Variants in RPRD1B observed in about 807,000 individuals in gnomAD.
RPRD1B encodes the protein regulation of nuclear pre-mRNA domain-containing protein 1B.
Under a neutral mutation model 41.5 loss-of-function variants are expected in RPRD1B, and 11 were observed. The observed-to-expected ratio is 0.27, with a 90% CI of 0.17 to 0.44. The LOEUF (loss-of-function observed/expected upper bound fraction) is 0.44, where lower values mean the gene tolerates loss of function less well. Among genes scored for constraint, RPRD1B ranks in the 20% least tolerant of loss-of-function variants. The pLI, the probability that RPRD1B is intolerant of heterozygous loss-of-function variation, is 1.00. For missense variants in RPRD1B, 248 were observed against 389.9 expected (o/e 0.64, Z 3.06); for synonymous variants, 158 against 155.6 (o/e 1.02, Z -0.12).
chr20:38,047,498 A>G (rs115201939), intron 2 of RPRD1B, among the ~76,000 whole-genome samples: 4 of 150,300 alleles, frequency 2.7e-5, no homozygotes, highest in South Asian at 4.3e-4. Flanking sequence ...GTCATTCAGT[A>G]TAAGATCGTT....
chr20:38,084,480 G>A (rs2074542914), intron 6 of RPRD1B, among the ~76,000 whole-genome samples: 1 of 152,096 alleles, frequency 6.6e-6, no homozygotes, highest in African/African-American at 2.4e-5. Flanking sequence ...TAGAGGAAAC[G>A]CTTATAGTTT....
chr20:38,047,393 A>G (rs771518168), intron 2 of RPRD1B, among the ~76,000 whole-genome samples: 1 of 152,180 alleles, frequency 6.6e-6, no homozygotes, highest in Non-Finnish European at 1.5e-5. Context: ...TAGAGTTCCC[A>G]TCTCAGTTGA....
chr20:38,058,687 T>C (rs965626326), intron 4 of RPRD1B, among the ~76,000 whole-genome samples: 1 of 152,166 alleles, frequency 6.6e-6, no homozygotes, highest in African/African-American at 2.4e-5. Context: ...TTGAAGTAGG[T>C]TGATCAGTCA....
At chr20:38,041,690 G>T (rs2074067745) in intron 2 of RPRD1B, among the ~76,000 whole-genome samples, 1 of 152,160 alleles carries the variant, frequency 6.6e-6, no homozygotes, top group Non-Finnish European at 1.5e-5. Context: ...ATTGATGGTA[G>T]CTCTGCCTCA....
At position 38,090,006 on chromosome 20, in the gene RPRD1B, T is replaced by C; in HGVS notation, c.*131T>C. On this transcript the variant is annotated 3_prime_UTR_variant, in exon 7 of 7. Transcript: ENST00000373433. ...AGCCCCCCAGCCTCAAGAAAGAACC[T>C]CAGACTCTGATTCTCCTCTTCAGCC... 6.9e-7 allele frequency: 1 copy of C among 1,457,246 alleles called. No individual in the cohort carries two copies. The highest frequency in any genetic ancestry group is 9.0e-7 in the Non-Finnish European group (1 of 1,109,394). The allele number at this position is 1,457,246 out of a possible 1,614,324, so 90.3% of individuals were successfully genotyped here.
chr20:38,054,573 T>G (rs1209386305), intron 3 of RPRD1B, among the ~76,000 whole-genome samples: 1 of 152,160 alleles, frequency 6.6e-6, no homozygotes, highest in Non-Finnish European at 1.5e-5. Flanking sequence ...GACTTAGATA[T>G]TTTCATGAAA....
chr20:38,058,757 C>T (rs947754604), intron 4 of RPRD1B, among the ~76,000 whole-genome samples: 2 of 152,092 alleles, frequency 1.3e-5, no homozygotes, highest in African/African-American at 4.8e-5. Flanking sequence ...CCCAGGCTGG[C>T]GTGCAGTAGC....
chr20:38,069,112 C>T (rs962214481), intron 6 of RPRD1B, among the ~76,000 whole-genome samples: 2 of 152,118 alleles, frequency 1.3e-5, no homozygotes, highest in African/African-American at 4.8e-5. Context: ...TTTGTGCTTT[C>T]CTTTTTAACT....
chr20:38,069,940 A>C lies in RPRD1B; in HGVS notation c.831+3684A>C, dbSNP rs1186937672. Among the ~76,000 whole-genome samples, 11 of 152,320 alleles carry C rather than the reference A, an allele frequency of 7.2e-5. No homozygotes were observed. The East Asian group carries it at 2.1e-3, about 29-fold the overall frequency. ...TGAGTGCTCTCACAGTGCCAGGAAC[A>C]TATTTGTTCCTCAGTAAATACTTGT... On this transcript the variant is annotated intron_variant, in intron 6 of 6. Coordinates refer to ENST00000373433, the MANE Select transcript of RPRD1B (RefSeq NM_021215.4).
chr20:38,063,490 C>A (rs2122732352), intron 5 of RPRD1B, among the ~76,000 whole-genome samples: 1 of 152,158 alleles, frequency 6.6e-6, no homozygotes, highest in Admixed American at 6.5e-5. Context: ...GGCATAAAGC[C>A]CGATTGGGGT....
At chr20:38,075,090 T>C (rs898099700) in intron 6 of RPRD1B, among the ~76,000 whole-genome samples, 1 of 152,232 alleles carries the variant, frequency 6.6e-6, no homozygotes, top group African/African-American at 2.4e-5. Context: ...TAACTTTCAG[T>C]GTTTGGATTA....
Position 38,092,351 on chromosome 20 carries a change from GTGT to G in RPRD1B, c.*2482_*2484del, listed in dbSNP as rs1168830649. 1.0e-6 allele frequency: 1 copy of G among 979,174 alleles called. No homozygotes were observed. The highest frequency in any genetic ancestry group is 1.1e-4 in the East Asian group (1 of 8,796). The allele number at this position is 979,174 out of a possible 1,614,324, so 60.7% of individuals were successfully genotyped here. On this transcript the variant is annotated 3_prime_UTR_variant, in exon 7 of 7. Coordinates refer to ENST00000373433, the MANE Select transcript of RPRD1B (RefSeq NM_021215.4). ...AGATATATATTTTTGAATAAAGATG[GTGT>G]TGTTGAACAACATTGTGTGATTTTT...
At position 38,041,175 on chromosome 20, in the gene RPRD1B, A is replaced by G. The variant is rs527944793; in HGVS notation, c.281+611A>G. On this transcript the variant is annotated intron_variant, in intron 2 of 6. Transcript: ENST00000373433. ...GATTAAAAGTTTTATAAATTACTTT[A>G]CTTCATGTAAAAACAAAAGCTTTCT... Among the ~76,000 whole-genome samples the G allele has an allele frequency of 5.9e-5, 9 of 152,370 alleles. No homozygotes were observed. The East Asian group carries it at 1.2e-3, about 20-fold the overall frequency.
intron 6 of RPRD1B, among the ~76,000 whole-genome samples, chr20:38,075,393 G>T (rs2074449458): frequency 6.6e-6 from 1 of 152,170 alleles, no homozygotes; most frequent in Admixed American, 6.5e-5. Flanking sequence ...AAATGATCTT[G>T]TTTACATTTG....
intron 1 of RPRD1B, among the ~76,000 whole-genome samples, chr20:38,034,999 T>C (rs772252635): frequency 3.9e-5 from 6 of 152,202 alleles, no homozygotes; most frequent in South Asian, 2.1e-4. Context: ...AGTACTGATA[T>C]CTTTACATAC....
intron 4 of RPRD1B, among the ~76,000 whole-genome samples, chr20:38,059,057 A>G (rs994291270): frequency 6.6e-6 from 1 of 152,114 alleles, no homozygotes; most frequent in Non-Finnish European, 1.5e-5. Flanking sequence ...CCTTTATTCT[A>G]TACTGGAAAT....
chr20:38,092,144 G>T lies in RPRD1B; in HGVS notation c.*2269G>T. ...GTGTTTTTTCTTTCTTAGGGCATCT[G>T]TAGGCCTCAAAGGACCTTTCCTTTA... On this transcript the variant is annotated 3_prime_UTR_variant, in exon 7 of 7. Coordinates refer to ENST00000373433, the MANE Select transcript of RPRD1B (RefSeq NM_021215.4). The T allele has an allele frequency of 1.0e-6, 1 of 985,692 alleles. No homozygotes were observed. Among genetic ancestry groups the T allele is most frequent in the African/African-American group, 1.7e-5 (1 of 57,310 alleles). 61.1% of individuals were successfully genotyped at this position (985,692 alleles called of 1,614,324 possible). A position where few individuals can be genotyped will look rare whatever the true frequency, so the allele number is the denominator to read the frequency against.
intron 6 of RPRD1B, among the ~76,000 whole-genome samples, chr20:38,086,904 A>C (rs534385997): frequency 6.6e-6 from 1 of 150,858 alleles, no homozygotes; most frequent in Middle Eastern, 3.4e-3. Flanking sequence ...CCCACCCTAT[A>C]CCCCCTTCCA....
At chr20:38,063,365 T>C (rs1274563619) in intron 5 of RPRD1B, among the ~76,000 whole-genome samples, 1 of 152,250 alleles carries the variant, frequency 6.6e-6, no homozygotes, top group Non-Finnish European at 1.5e-5. Context: ...CCTGATAATA[T>C]AAACTTGAGG....
Sources: allele counts gnomAD v4.1 joint callset (sites outside exome capture counted in the v4.1 genomes callset), GRCh38; gene constraint gnomAD v4.1.1; transcripts MANE v1.5; gene names NCBI Gene and HGNC (gene_info 2026-07-23, HGNC 2026-07-21).